The following PIBF1 variants were observed in gnomAD, a reference collection of about 807,000 sequenced individuals.
PIBF1 encodes progesterone immunomodulatory binding factor 1, also known as progesterone-induced-blocking factor 1.
Under a neutral mutation model 112.5 loss-of-function variants are expected in PIBF1, and 90 were observed. That is an observed-to-expected ratio of 0.80 (90% CI 0.67 to 0.95). PIBF1 has a LOEUF of 0.95. Ranked by LOEUF, PIBF1 falls within the 40% of genes least tolerant of loss-of-function variation. PIBF1 has a pLI of 0.00. For missense variants in PIBF1, 915 were observed against 852.3 expected (o/e 1.07, Z -0.92); for synonymous variants, 301 against 288.6 (o/e 1.04, Z -0.44).
At chr13:72,922,796 G>A (rs934051936) in intron 13 of PIBF1, among the ~76,000 whole-genome samples, 3 of 152,048 alleles carry the variant, frequency 2.0e-5, no homozygotes, top group Non-Finnish European at 2.9e-5. Flanking sequence ...TTTCATTTGG[G>A]ATGGCTTTAG....
intron 11 of PIBF1, among the ~76,000 whole-genome samples, chr13:72,896,032 ACTCAGCAGAGG>A (rs1405449146): frequency 6.6e-6 from 1 of 152,052 alleles, no homozygotes; most frequent in Non-Finnish European, 1.5e-5. Context: ...AACCTGCATG[ACTCAGCAGAGG>A]CAGCCATAAT....
intron 9 of PIBF1, among the ~76,000 whole-genome samples, chr13:72,848,553 A>G (rs2037975069): frequency 1.3e-5 from 2 of 152,176 alleles, no homozygotes; most frequent in South Asian, 4.1e-4. Flanking sequence ...ATGATTAAGA[A>G]CTTAACTCTT....
chr13:72,827,152 A>G (rs1001013388), intron 7 of PIBF1, 34 bp downstream of exon 7: 1 of 1,071,532 alleles, frequency 9.3e-7, no homozygotes, highest in African/African-American at 1.6e-5. Context: ...TATATTATAT[A>G]GCATAGTATT....
chr13:72,790,840 G>T (rs540298783), intron 2 of PIBF1, among the ~76,000 whole-genome samples: 7 of 152,240 alleles, frequency 4.6e-5, no homozygotes, highest in Admixed American at 3.3e-4. Flanking sequence ...AGTTTCACTG[G>T]AATAGTATGG....
At chr13:72,891,280 A>G (rs1465909589) in intron 10 of PIBF1, among the ~76,000 whole-genome samples, 1 of 152,144 alleles carries the variant, frequency 6.6e-6, no homozygotes, top group Non-Finnish European at 1.5e-5. Context: ...TTGCAGTTTA[A>G]TCTTTTAGGA....
intron 6 of PIBF1, among the ~76,000 whole-genome samples, chr13:72,825,419 A>G (rs2036759931): frequency 1.3e-5 from 2 of 152,242 alleles, no homozygotes; most frequent in Admixed American, 1.3e-4. Context: ...GTAGGTGTGT[A>G]TACACATATA....
chr13:72,964,703 A>G (rs531478621), intron 14 of PIBF1, among the ~76,000 whole-genome samples: 2 of 152,310 alleles, frequency 1.3e-5, no homozygotes, highest in African/African-American at 4.8e-5. Context: ...ATAGCTTTTC[A>G]GACCAAGACA....
In PIBF1 at chr13:73,004,548, G is replaced by T. The variant is rs528984350; in HGVS notation, c.2223+5553G>T. Among the ~76,000 whole-genome samples the T allele has an allele frequency of 2.7e-4, 40 of 150,824 alleles. 1 individual carries two copies. Among genetic ancestry groups the T allele is most frequent in the Admixed American group, 1.4e-3 (21 of 15,146 alleles). On this transcript the variant is annotated intron_variant, in intron 17 of 17. Transcript: ENST00000326291. ...ATATTCACAAAATATTTTCTAACTT[G>T]TGCTCCTTTTTAATTGTTGAAGAAT...
intron 9 of PIBF1, among the ~76,000 whole-genome samples, chr13:72,843,796 G>A (rs1303567197): frequency 1.3e-5 from 2 of 152,144 alleles, no homozygotes; most frequent in African/African-American, 4.8e-5. Context: ...TACTAGAGAT[G>A]TTTCTCTGCT....
chr13:72,852,425 C>T (rs1222279619), intron 9 of PIBF1, among the ~76,000 whole-genome samples: 1 of 152,232 alleles, frequency 6.6e-6, no homozygotes, highest in African/African-American at 2.4e-5. Context: ...GAACCCTGTA[C>T]TCACTGACTT....
intron 15 of PIBF1, among the ~76,000 whole-genome samples, chr13:72,966,622 T>A (rs2138916983): frequency 6.6e-6 from 1 of 152,282 alleles, no homozygotes; most frequent in Non-Finnish European, 1.5e-5. Context: ...ATTTGAATAT[T>A]TTTTGGCCAG....
chr13:72,864,554 C>G (rs749019840), intron 10 of PIBF1, among the ~76,000 whole-genome samples: 4 of 151,998 alleles, frequency 2.6e-5, no homozygotes, highest in African/African-American at 7.2e-5. Context: ...TGCGCATGTG[C>G]GTGCATGTGT....
chr13:72,864,113 G>A (rs1242766448), intron 10 of PIBF1, among the ~76,000 whole-genome samples: 1 of 152,168 alleles, frequency 6.6e-6, no homozygotes, highest in East Asian at 1.9e-4. Flanking sequence ...TAATTCATAA[G>A]CACTTATTAA....
At chr13:72,884,313 G>T (rs976169606) in intron 10 of PIBF1, 31 of 152,100 alleles carry the variant, frequency 2.0e-4, no homozygotes, top group African/African-American at 7.5e-4. Flanking sequence ...TGCCTTTAAA[G>T]TTCATCACTG....
intron 11 of PIBF1, among the ~76,000 whole-genome samples, chr13:72,902,825 G>A (rs952861507): frequency 2.0e-5 from 3 of 152,002 alleles, no homozygotes; most frequent in African/African-American, 7.2e-5. Context: ...TAGGAAATTA[G>A]TATGGTCTTG....
At chr13:72,788,262 T>A (rs1208315189) in intron 2 of PIBF1, among the ~76,000 whole-genome samples, 1 of 152,122 alleles carries the variant, frequency 6.6e-6, no homozygotes, top group Non-Finnish European at 1.5e-5. Flanking sequence ...ATATTATAGG[T>A]ATTTCTATTT....
chr13:72,880,934 T>C (rs2039600554), intron 10 of PIBF1, among the ~76,000 whole-genome samples: 1 of 152,168 alleles, frequency 6.6e-6, no homozygotes. Flanking sequence ...TCTCAGAATC[T>C]TTATCTCTAA....
At chr13:72,996,279 A>AC (rs1466294670) in intron 16 of PIBF1, among the ~76,000 whole-genome samples, 4 of 151,962 alleles carry the variant, frequency 2.6e-5, no homozygotes, top group African/African-American at 7.2e-5. Flanking sequence ...AAAAAAAAAA[A>AC]AAAACTGCTC....
At chr13:72,957,879 G>A (rs2042492040) in intron 14 of PIBF1, among the ~76,000 whole-genome samples, 1 of 152,052 alleles carries the variant, frequency 6.6e-6, no homozygotes, top group Non-Finnish European at 1.5e-5. Context: ...TTGAACCTGG[G>A]AGGCAGAGGT....
Sources: gnomAD v4.1 joint callset for allele counts (sites outside exome capture counted in the v4.1 genomes callset) on GRCh38, gnomAD v4.1.1 for gene constraint, MANE v1.5 for transcripts, NCBI Gene and HGNC (gene_info 2026-07-23, HGNC 2026-07-21) for gene names.